The following ZDHHC7 variants were observed in gnomAD, a reference collection of about 807,000 sequenced individuals.
The protein encoded by ZDHHC7 is zDHHC palmitoyltransferase 7.
Under a neutral mutation model 34.1 loss-of-function variants are expected in ZDHHC7, and 12 were observed. The observed-to-expected ratio is 0.35, with a 90% CI of 0.23 to 0.57. The LOEUF is 0.57. ZDHHC7 is among the 20% of genes least tolerant of loss of function. The probability of loss-of-function intolerance (pLI) is 0.84; values close to 1 mark genes in which losing one functional copy is unlikely to be tolerated. For synonymous variants in ZDHHC7, 185 were observed against 155.4 expected (o/e 1.19, Z -1.42); for missense variants, 388 against 402.7 (o/e 0.96, Z 0.31).
chr16:85,023,164 T>C, the ZDHHC7 span, among the ~76,000 whole-genome samples: 2 of 150,230 alleles, frequency 1.3e-5, no homozygotes, highest in African/African-American at 5.0e-5. Context: ...CTTTTCTTTC[T>C]TTTCTTTTTT....
At chr16:84,987,091 G>C (rs902384321) in intron 3 of ZDHHC7, among the ~76,000 whole-genome samples, 7 of 152,074 alleles carry the variant, frequency 4.6e-5, no homozygotes, top group Non-Finnish European at 2.9e-5. Flanking sequence ...CAAAGCCTGA[G>C]GACAGCTGCC....
chr16:85,012,104 G>A (rs2072802611), upstream of ZDHHC7, among the ~76,000 whole-genome samples: 1 of 152,150 alleles, frequency 6.6e-6, no homozygotes, highest in Non-Finnish European at 1.5e-5. Context: ...TTTTAAGGCC[G>A]GGCGCGGTGG....
At chr16:85,007,932 G>C (rs761238356) in intron 1 of ZDHHC7, among the ~76,000 whole-genome samples, 6 of 152,028 alleles carry the variant, frequency 3.9e-5, no homozygotes, top group Non-Finnish European at 8.8e-5. Context: ...AGACCAGCCT[G>C]GGTATCATAG....
the ZDHHC7 span, among the ~76,000 whole-genome samples, chr16:85,023,190 G>A: frequency 1.4e-4 from 20 of 145,156 alleles, no homozygotes; most frequent in Admixed American, 6.2e-4. Context: ...TTTTTGAGAC[G>A]AAGTATCGCT....
At chr16:85,014,963 T>C (rs1448554432), upstream of ZDHHC7, among the ~76,000 whole-genome samples, 1 of 152,102 alleles carries the variant, frequency 6.6e-6, no homozygotes, top group Non-Finnish European at 1.5e-5. Context: ...TCAAAGATTT[T>C]CTCATTGGCA....
chr16:85,019,239 T>A, the ZDHHC7 span, among the ~76,000 whole-genome samples: 2 of 152,344 alleles, frequency 1.3e-5, no homozygotes, highest in Admixed American at 1.3e-4. Flanking sequence ...ACATCTCACG[T>A]CTCACCTGTA....
intron 4 of ZDHHC7, 23 bp from the exon 5 acceptor site, chr16:84,979,308 TCAGTATTC>T (rs758874504): frequency 6.2e-7 from 1 of 1,605,980 alleles, no homozygotes; most frequent in Non-Finnish European, 8.5e-7. Context: ...GTTTGATTTT[TCAGTATTC>T]CATGCTCTGA....
intron 1 of ZDHHC7, among the ~76,000 whole-genome samples, chr16:85,010,321 G>A (rs1275743671): frequency 1.3e-5 from 2 of 152,048 alleles, no homozygotes; most frequent in Non-Finnish European, 2.9e-5. Flanking sequence ...GAGCCACCGC[G>A]TGCGTACCAG....
intron 3 of ZDHHC7, among the ~76,000 whole-genome samples, chr16:84,982,821 C>G (rs1008459786): frequency 5.3e-5 from 8 of 152,220 alleles, no homozygotes; most frequent in African/African-American, 1.4e-4. Flanking sequence ...AGAAGATGAG[C>G]AATGGCGAAG....
chr16:85,002,556 A>T, intron 1 of ZDHHC7, among the ~76,000 whole-genome samples: 1 of 152,198 alleles, frequency 6.6e-6, no homozygotes, highest in East Asian at 1.9e-4. Flanking sequence ...AGTCATCCAA[A>T]CAAGGAACGC....
At chr16:85,013,229 T>C (rs1164298748), upstream of ZDHHC7, among the ~76,000 whole-genome samples, 1 of 152,128 alleles carries the variant, frequency 6.6e-6, no homozygotes, top group Admixed American at 6.6e-5. Context: ...AAAAGTATTG[T>C]TCTTTTATTA....
In ZDHHC7 at chr16:84,997,873, G is replaced by A. The variant is rs1337005089; in HGVS notation, c.-103-1866C>T. On this transcript the variant is annotated intron_variant, in intron 1 of 7. Transcript: ENST00000313732. ...GCGCCACTGCACTCCATCCAGCCTG[G>A]GCGACAGAGCGAGACTCCGTCTAAA... Among the ~76,000 whole-genome samples, 4 of 140,780 alleles carry A rather than the reference G, an allele frequency of 2.8e-5. No homozygotes were observed. The East Asian group carries it at 8.6e-4, about 30-fold the overall frequency. 92.4% of individuals were successfully genotyped at this position (140,780 alleles called of 152,430 possible). A position where few individuals can be genotyped will look rare whatever the true frequency, so the allele number is the denominator to read the frequency against.
chr16:85,000,316 C>T (rs1001891077), intron 1 of ZDHHC7, among the ~76,000 whole-genome samples: 1 of 152,126 alleles, frequency 6.6e-6, no homozygotes, highest in Non-Finnish European at 1.5e-5. Flanking sequence ...CTGGATAACC[C>T]GCGTTCCTGA....
intron 7 of ZDHHC7, among the ~76,000 whole-genome samples, 166 bp from the exon 8 acceptor site, chr16:84,976,685 G>A (rs1301631442): frequency 1.3e-5 from 2 of 152,212 alleles, no homozygotes; most frequent in African/African-American, 4.8e-5. Flanking sequence ...TGGCCTCTGT[G>A]AGCCCAGCCC....
chr16:84,997,629 T>C (rs146249896), intron 1 of ZDHHC7, among the ~76,000 whole-genome samples: 14,345 of 150,660 alleles, frequency 0.095, 778 homozygotes, highest in South Asian at 0.16. Flanking sequence ...GCACAGTGGC[T>C]CACGCCTGTA....
intron 1 of ZDHHC7, 46 bp from the exon 2 acceptor site, chr16:84,996,053 A>T (rs1043603378): frequency 2.0e-5 from 3 of 152,202 alleles, no homozygotes; most frequent in African/African-American, 7.2e-5. Context: ...TTATTTTATG[A>T]CAGACGTGTG....
At chr16:84,980,672 C>A (rs560566710) in intron 4 of ZDHHC7, among the ~76,000 whole-genome samples, 8 of 152,088 alleles carry the variant, frequency 5.3e-5, no homozygotes, top group Non-Finnish European at 1.2e-4. Context: ...TCCATCCCCC[C>A]ATCCCCAAAA....
intron 2 of ZDHHC7, among the ~76,000 whole-genome samples, chr16:84,991,957 T>C (rs1205924679): frequency 1.3e-5 from 2 of 151,376 alleles, no homozygotes; most frequent in Admixed American, 6.6e-5. Flanking sequence ...CCCAGCACTT[T>C]GGGAGGTCAG....
chr16:85,022,262 T>C, the ZDHHC7 span, among the ~76,000 whole-genome samples: 1 of 151,842 alleles, frequency 6.6e-6, no homozygotes, highest in African/African-American at 2.4e-5. Flanking sequence ...GGCTCACACC[T>C]GTAATCCCAG....
Sources: gnomAD v4.1 joint callset for allele counts (sites outside exome capture counted in the v4.1 genomes callset) on GRCh38, gnomAD v4.1.1 for gene constraint, MANE v1.5 for transcripts, NCBI Gene and HGNC (gene_info 2026-07-23, HGNC 2026-07-21) for gene names.